ITGB5: variants seen among roughly 807,000 people sequenced by gnomAD.
ITGB5 encodes the protein integrin beta-5.
Under a neutral mutation model 84.8 loss-of-function variants are expected in ITGB5, and 38 were observed. The observed-to-expected ratio is 0.45, with a 90% CI of 0.35 to 0.59. ITGB5 has a LOEUF of 0.59. Ranked by LOEUF, ITGB5 falls within the 20% of genes least tolerant of loss-of-function variation. The probability of loss-of-function intolerance (pLI) is 0.01; values close to 1 mark genes in which losing one functional copy is unlikely to be tolerated. For synonymous variants in ITGB5, 393 were observed against 414.4 expected, an observed-to-expected ratio of 0.95 and a Z score of 0.63; for missense variants, 905 against 1,034.5, an observed-to-expected ratio of 0.87 and a Z score of 1.72.
chr3:124,892,794 A>G (rs929967467), intron 1 of ITGB5, among the ~76,000 whole-genome samples: 2 of 151,950 alleles, frequency 1.3e-5, no homozygotes, highest in Admixed American at 6.6e-5. Context: ...CAGATTCGTT[A>G]AGTTTCCTGT....
chr3:124,764,274 A>ATTCTT (rs2150918136), intron 14 of ITGB5, 117 bp downstream of exon 14: 1 of 1,089,932 alleles, frequency 9.2e-7, no homozygotes, highest in East Asian at 2.5e-5. Context: ...TCTGGTGTTG[A>ATTCTT]TTCTTTTGTT....
chr3:124,768,981 C>A (rs766306778), intron 12 of ITGB5, 32 bp downstream of exon 12: 2 of 1,563,750 alleles, frequency 1.3e-6, no homozygotes, highest in African/African-American at 2.7e-5. Flanking sequence ...GGAGAAAAAC[C>A]GTGACTGCCC....
At chr3:124,871,939 A>G (rs1934077862) in intron 2 of ITGB5, among the ~76,000 whole-genome samples, 1 of 152,148 alleles carries the variant, frequency 6.6e-6, no homozygotes, top group Non-Finnish European at 1.5e-5. Context: ...CACCGGGAAG[A>G]TCAGGCAGGG....
intron 4 of ITGB5, among the ~76,000 whole-genome samples, chr3:124,842,712 A>C (rs1243121803): frequency 6.6e-6 from 1 of 152,164 alleles, no homozygotes; most frequent in Non-Finnish European, 1.5e-5. Flanking sequence ...AAGGCTTTAT[A>C]ATCTAATTCA....
At chr3:124,857,858 G>C (rs1379237647) in intron 3 of ITGB5, among the ~76,000 whole-genome samples, 2 of 152,088 alleles carry the variant, frequency 1.3e-5, no homozygotes, top group Non-Finnish European at 2.9e-5. Context: ...ACCTGGCCAG[G>C]CATGGTGGTT....
At chr3:124,833,747 C>CG (rs1490934137) in intron 5 of ITGB5, among the ~76,000 whole-genome samples, 9 of 152,106 alleles carry the variant, frequency 5.9e-5, no homozygotes, top group African/African-American at 1.9e-4. Context: ...AGCCTTTGTT[C>CG]CCAGATGTTT....
intron 10 of ITGB5, among the ~76,000 whole-genome samples, chr3:124,795,676 A>G (rs1187179292): frequency 3.9e-5 from 6 of 152,100 alleles, no homozygotes; most frequent in Non-Finnish European, 8.8e-5. Flanking sequence ...TGTAACCACA[A>G]GGGTCTGTAG....
Position 124,848,562 on chromosome 3 carries a change from C to T in ITGB5, c.362-4G>A, listed in dbSNP as rs888870836. ...AGCTGGAAGGTGGTCTTGTCACCTG[C>T]ACCAACAGAGAGGCCACGTGTGTTA... On this transcript the variant is annotated splice_polypyrimidine_tract_variant and splice_region_variant and intron_variant, in intron 3 of 14. Coordinates refer to ENST00000296181, the MANE Select transcript of ITGB5 (RefSeq NM_002213.5). The T allele has an allele frequency of 6.2e-7, 1 of 1,608,526 alleles. No individual in the cohort carries two copies. Among genetic ancestry groups the T allele is most frequent in the Admixed American group, 1.7e-5 (1 of 59,982 alleles).
At chr3:124,873,240 T>C (rs1934141729) in intron 2 of ITGB5, among the ~76,000 whole-genome samples, 1 of 152,182 alleles carries the variant, frequency 6.6e-6, no homozygotes, top group Non-Finnish European at 1.5e-5. Context: ...GGATTAGCAT[T>C]CCACAGTATC....
intron 11 of ITGB5, among the ~76,000 whole-genome samples, chr3:124,771,425 AGAGG>A (rs2063842187): frequency 6.6e-6 from 1 of 152,186 alleles, no homozygotes; most frequent in Non-Finnish European, 1.5e-5. Flanking sequence ...TGAAAGAGAC[AGAGG>A]GTCAGTGTGG....
chr3:124,777,229 C>T (rs1195161505), intron 10 of ITGB5, among the ~76,000 whole-genome samples: 1 of 152,190 alleles, frequency 6.6e-6, no homozygotes, highest in East Asian at 1.9e-4. Context: ...GCTGGCCATT[C>T]CTAAAAGCTT....
At position 124,764,511 on chromosome 3, in the gene ITGB5, G is replaced by A. The variant is rs199981166; in HGVS notation, c.2184C>T (p.Val728=). Residue 728 remains valine, a synonymous_variant, in exon 14 of 15, where the codon GTC becomes GTT. Coordinates refer to ENST00000296181, the MANE Select transcript of ITGB5 (RefSeq NM_002213.5). ...CAAGCCCAACAAGGAGGATGCTACCGACCACAGCCAGGAGGATGGTCATGG... is the reference window on the plus strand; with the variant it reads ...CAAGCCCAACAAGGAGGATGCTACCAACCACAGCCAGGAGGATGGTCATGG... ...PNAMTILLAV[V]GSILLVGLAL... 2.9e-5 allele frequency: 46 copies of A among 1,613,844 alleles called. No homozygotes were observed. Among genetic ancestry groups the A allele is most frequent in the Admixed American group, 2.2e-4 (13 of 60,012 alleles).
Position 124,764,553 on chromosome 3 carries a change from A to G in ITGB5, c.2142T>C (p.Cys714=), listed in dbSNP as rs1313174551. 6.2e-7 allele frequency: 1 copy of G among 1,610,128 alleles called. No homozygotes were observed. The highest frequency in any genetic ancestry group is 8.5e-7 in the Non-Finnish European group (1 of 1,176,954). The change falls in exon 14 of 15, where the codon TGT becomes TGC. Residue 714 remains cysteine, a synonymous_variant. Transcript: ENST00000296181. The part of the protein sequence containing the change: ...SNLTVLREPE[C]GNTPNAMTIL... ...TGGTCATGGCGTTGGGGGTGTTTCC[A>G]CACTCTGGGGGGACCAGAAGCATGG... is the stretch of plus-strand genomic sequence containing the variant.
chr3:124,779,000 C>T (rs766177945), intron 10 of ITGB5, among the ~76,000 whole-genome samples: 16 of 152,168 alleles, frequency 1.1e-4, no homozygotes, highest in East Asian at 9.6e-4. Flanking sequence ...TCTGATGATC[C>T]GTTTCCTCCT....
chr3:124,886,296 G>A (rs550006860), intron 1 of ITGB5, among the ~76,000 whole-genome samples: 5 of 152,058 alleles, frequency 3.3e-5, no homozygotes, highest in Admixed American at 3.3e-4. Flanking sequence ...TTGGGACGCG[G>A]GTGCCCCCTC....
intron 4 of ITGB5, among the ~76,000 whole-genome samples, chr3:124,844,021 T>C (rs1559964587): frequency 6.6e-6 from 1 of 151,862 alleles, no homozygotes; most frequent in Non-Finnish European, 1.5e-5. Flanking sequence ...CTCCATGTCA[T>C]GGAACAGGAA....
At chr3:124,808,330 G>A (rs1359960553) in intron 9 of ITGB5, among the ~76,000 whole-genome samples, 2 of 152,190 alleles carry the variant, frequency 1.3e-5, no homozygotes, top group South Asian at 4.1e-4. Context: ...CAGGAATGGA[G>A]CTCATGATCT....
rs1416166088 is a variant in ITGB5 at position 124,796,743 on chromosome 3, C to T, written c.1338G>A (p.Pro446=). 9.3e-6 allele frequency: 15 copies of T among 1,614,120 alleles called. No homozygotes were observed. The highest frequency in any genetic ancestry group is 4.4e-5 in the South Asian group (4 of 91,054). The change falls in exon 10 of 15, where the codon CCG becomes CCA. Residue 446 remains proline (P), a synonymous_variant. Coordinates refer to ENST00000296181, the MANE Select transcript of ITGB5 (RefSeq NM_002213.5). ...CCTCCAGGCTGTCCCGGAATCCCAC[C>T]GGCCGCAGGGCAAACACATGCTCCG... ...RHTEHVFALR[P]VGFRDSLEVG...
intron 2 of ITGB5, among the ~76,000 whole-genome samples, chr3:124,868,016 G>T (rs1482638953): frequency 6.6e-6 from 1 of 152,126 alleles, no homozygotes; most frequent in Non-Finnish European, 1.5e-5. Context: ...TCTTGATGGT[G>T]AGTGAGTTCT....
Sources: gnomAD v4.1 joint callset for allele counts (sites outside exome capture counted in the v4.1 genomes callset) on GRCh38, gnomAD v4.1.1 for gene constraint, MANE v1.5 for transcripts, NCBI Gene and HGNC (gene_info 2026-07-23, HGNC 2026-07-21) for gene names.